SLC44A5: variants seen among roughly 807,000 people sequenced by gnomAD.
The protein encoded by SLC44A5 is choline transporter-like protein 5.
In SLC44A5, 57 loss-of-function variants were observed where a neutral mutation model predicts 101.8. The ratio of observed to expected loss-of-function variants is 0.56; its 90% CI spans 0.45 to 0.70. SLC44A5 has a LOEUF of 0.70. SLC44A5 is among the 30% of genes least tolerant of loss of function. The pLI is 0.00. For synonymous variants in SLC44A5, 281 were observed against 290.9 expected (o/e 0.97, Z 0.35); for missense variants, 737 against 853.1 (o/e 0.86, Z 1.70).
At chr1:75,695,215 A>G in the SLC44A5 span, among the ~76,000 whole-genome samples, 1 of 152,204 alleles carries the variant, frequency 6.6e-6, no homozygotes, top group Admixed American at 6.5e-5. Flanking sequence ...TGCCCACTGA[A>G]ATTTATGATT....
chr1:75,509,565 T>C (rs576584203), intron 2 of SLC44A5, among the ~76,000 whole-genome samples: 1 of 152,354 alleles, frequency 6.6e-6, no homozygotes, highest in Non-Finnish European at 1.5e-5. Context: ...CAGTAATTTA[T>C]AGGAGAAAAC....
the SLC44A5 span, among the ~76,000 whole-genome samples, chr1:75,660,012 TG>T: frequency 6.6e-6 from 1 of 152,124 alleles, no homozygotes; most frequent in Non-Finnish European, 1.5e-5. Context: ...GAGACCAGCC[TG>T]GGAAACACGG....
intron 2 of SLC44A5, among the ~76,000 whole-genome samples, chr1:75,415,589 G>A (rs549659778): frequency 6.6e-6 from 1 of 152,328 alleles, no homozygotes; most frequent in East Asian, 1.9e-4. Flanking sequence ...CTTTGGAATT[G>A]GGTAACAGGC....
Position 75,248,362 on chromosome 1 carries a change from G to T in SLC44A5, c.345+2848C>A, listed in dbSNP as rs1438415698. ...TGATAATAAAAAAACATTTCAAAGT[G>T]ATGTGCTTAATTATGCAAGAGGATG... is the stretch of plus-strand genomic sequence containing the variant. On this transcript the variant is annotated intron_variant, in intron 7 of 23. Coordinates refer to ENST00000370859, the MANE Select transcript of SLC44A5 (RefSeq NM_001130058.2). 2.0e-5 allele frequency among the ~76,000 whole-genome samples: 3 copies of T among 152,130 alleles called. No homozygotes were observed. In the East Asian group the frequency reaches 5.8e-4, roughly 29 times the overall value.
At chr1:75,432,522 C>T (rs1570261388) in intron 2 of SLC44A5, among the ~76,000 whole-genome samples, 1 of 152,090 alleles carries the variant, frequency 6.6e-6, no homozygotes, top group Admixed American at 6.5e-5. Flanking sequence ...GCTGACACTG[C>T]TATTATTTTA....
chr1:75,249,829 GACT>G (rs1185695995), intron 7 of SLC44A5, among the ~76,000 whole-genome samples: 2 of 152,078 alleles, frequency 1.3e-5, no homozygotes, highest in African/African-American at 4.8e-5. Context: ...CAGAGAGGTA[GACT>G]ATAGAAGACA....
At chr1:75,630,918 G>C in the SLC44A5 span, among the ~76,000 whole-genome samples, 19 of 151,868 alleles carry the variant, frequency 1.3e-4, no homozygotes, top group Non-Finnish European at 1.5e-5. Context: ...AACACCAACA[G>C]AAGGCATTAA....
intron 2 of SLC44A5, among the ~76,000 whole-genome samples, chr1:75,399,616 AT>A (rs1662347470): frequency 2.0e-5 from 3 of 152,212 alleles, no homozygotes; most frequent in South Asian, 4.1e-4. Context: ...TATTAGCTAA[AT>A]TTAACATTTG....
chr1:75,437,883 A>C (rs935839111), intron 2 of SLC44A5, among the ~76,000 whole-genome samples: 7 of 152,128 alleles, frequency 4.6e-5, no homozygotes, highest in Admixed American at 2.6e-4. Context: ...GAGTTAGCTA[A>C]GGGGAGAGAT....
intron 9 of SLC44A5, among the ~76,000 whole-genome samples, chr1:75,239,546 C>A (rs12057533): frequency 0.17 from 25,632 of 151,936 alleles, 2,426 homozygotes; most frequent in Non-Finnish European, 0.22. Flanking sequence ...AAAGGATTTT[C>A]TTGTCTGCTC....
At chr1:75,358,561 T>C (rs990870978) in intron 3 of SLC44A5, among the ~76,000 whole-genome samples, 2 of 152,190 alleles carry the variant, frequency 1.3e-5, no homozygotes, top group East Asian at 1.9e-4. Flanking sequence ...CTCACATAGT[T>C]ACCATTTTGT....
At chr1:75,514,675 GC>G (rs1669733930) in intron 2 of SLC44A5, among the ~76,000 whole-genome samples, 1 of 152,206 alleles carries the variant, frequency 6.6e-6, no homozygotes, top group South Asian at 2.1e-4. Flanking sequence ...TTTAGACTAT[GC>G]AAAGGCAACA....
chr1:75,480,480 A>T (rs1466173719), intron 2 of SLC44A5, among the ~76,000 whole-genome samples: 1 of 152,238 alleles, frequency 6.6e-6, no homozygotes, highest in Non-Finnish European at 1.5e-5. Flanking sequence ...TTTGCAGATG[A>T]CATGATTGCA....
intron 4 of SLC44A5, among the ~76,000 whole-genome samples, chr1:75,319,494 T>G (rs953884287): frequency 6.6e-6 from 1 of 152,190 alleles, no homozygotes; most frequent in Non-Finnish European, 1.5e-5. Flanking sequence ...TAAAATGTTT[T>G]TATTATAGAT....
At chr1:75,581,947 G>A (rs1448047711) in intron 1 of SLC44A5, among the ~76,000 whole-genome samples, 1 of 152,146 alleles carries the variant, frequency 6.6e-6, no homozygotes, top group Non-Finnish European at 1.5e-5. Flanking sequence ...AGCCTGCTGT[G>A]AGCCAGGTAA....
the SLC44A5 span, among the ~76,000 whole-genome samples, chr1:75,721,850 C>T: frequency 1.3e-5 from 2 of 152,338 alleles, no homozygotes; most frequent in South Asian, 2.1e-4. Flanking sequence ...TAAAGCCCAA[C>T]TTCAATGGGC....
At chr1:75,644,402 T>C in the SLC44A5 span, among the ~76,000 whole-genome samples, 1 of 152,058 alleles carries the variant, frequency 6.6e-6, no homozygotes, top group African/African-American at 2.4e-5. Context: ...CCTATAAGTA[T>C]AGTTTCAGTG....
chr1:75,480,941 G>A (rs931833314), intron 2 of SLC44A5, among the ~76,000 whole-genome samples: 23 of 152,212 alleles, frequency 1.5e-4, no homozygotes, highest in South Asian at 1.5e-3. Context: ...AGCCCTCATC[G>A]TCAAGTCAAT....
intron 1 of SLC44A5, among the ~76,000 whole-genome samples, chr1:75,610,318 G>T (rs973711709): frequency 6.6e-6 from 1 of 151,958 alleles, no homozygotes; most frequent in Non-Finnish European, 1.5e-5. Flanking sequence ...AGCTCCCTAG[G>T]CCAAGTAAGG....
Sources: allele counts gnomAD v4.1 joint callset (sites outside exome capture counted in the v4.1 genomes callset), GRCh38; gene constraint gnomAD v4.1.1; transcripts MANE v1.5; gene names NCBI Gene and HGNC (gene_info 2026-07-23, HGNC 2026-07-21).